The following PCDHA2 variants were observed in gnomAD, a reference collection of about 807,000 sequenced individuals.
The protein encoded by PCDHA2 is protocadherin alpha 2, also known as protocadherin alpha-2.
A neutral mutation model predicts 66.0 loss-of-function variants in PCDHA2; 58 were observed. The observed-to-expected ratio is 0.88, with a 90% CI of 0.71 to 1.09. PCDHA2 has a LOEUF of 1.09. Among genes scored for constraint, PCDHA2 ranks in the 50% least tolerant of loss-of-function variants. The pLI is 0.00. For synonymous variants in PCDHA2, 634 were observed against 554.0 expected, an observed-to-expected ratio of 1.14 and a Z score of -2.03; for missense variants, 1,267 against 1,242.3, an observed-to-expected ratio of 1.02 and a Z score of -0.30.
chr5:140,808,618 G>C, intron 1 of PCDHA2: 2 of 1,613,776 alleles, frequency 1.2e-6, no homozygotes, highest in Non-Finnish European at 1.7e-6. Flanking sequence ...TCTTCACTGT[G>C]TCTGCGTGGG....
intron 1 of PCDHA2, among the ~76,000 whole-genome samples, chr5:140,846,195 A>G (rs2150385667): frequency 6.7e-6 from 1 of 149,594 alleles, no homozygotes; most frequent in Admixed American, 6.7e-5. Context: ...AGTTCTTTGT[A>G]TGTATGAGAT....
At chr5:140,873,590 A>C (rs1188968124) in intron 1 of PCDHA2, among the ~76,000 whole-genome samples, 2 of 152,202 alleles carry the variant, frequency 1.3e-5, no homozygotes, top group Non-Finnish European at 2.9e-5. Flanking sequence ...ATTAAGCTAA[A>C]CTTAGATGTT....
At chr5:140,984,824 C>A (rs920985683) in intron 3 of PCDHA2, among the ~76,000 whole-genome samples, 1 of 152,098 alleles carries the variant, frequency 6.6e-6, no homozygotes, top group Non-Finnish European at 1.5e-5. Context: ...TCTTAATTAC[C>A]CTTTCTGTAA....
In PCDHA2 at chr5:140,849,965, G is replaced by A. The variant is rs782084624; in HGVS notation, c.2388+52613G>A. Reference sequence around the variant, plus strand: ...CTGACGCGCAGGAGAACGCCCTGGTGTCCTACTCGCTGGTGGAGCGGCGGT... The same window carrying A: ...CTGACGCGCAGGAGAACGCCCTGGTATCCTACTCGCTGGTGGAGCGGCGGT... On this transcript the variant is annotated intron_variant, in intron 1 of 3. Coordinates refer to ENST00000526136, the MANE Select transcript of PCDHA2 (RefSeq NM_018905.3). The A allele has an allele frequency of 1.0e-5, 16 of 1,597,766 alleles. 2 individuals are homozygous for A. Among genetic ancestry groups the A allele is most frequent in the Non-Finnish European group, 1.3e-5 (15 of 1,167,924 alleles).
intron 1 of PCDHA2, chr5:140,815,642 T>A (rs1349424148): frequency 6.6e-6 from 1 of 152,128 alleles, no homozygotes; most frequent in Non-Finnish European, 1.5e-5. Context: ...AGTATTCTGT[T>A]TTTATCTATA....
intron 1 of PCDHA2, chr5:140,968,434 C>T: frequency 6.8e-6 from 11 of 1,613,948 alleles, no homozygotes; most frequent in Non-Finnish European, 8.5e-6. Flanking sequence ...ACAAGGGGAG[C>T]CCACCACTGA....
chr5:140,967,986 C>A, intron 1 of PCDHA2: 1 of 1,614,226 alleles, frequency 6.2e-7, no homozygotes, highest in Non-Finnish European at 8.5e-7. Flanking sequence ...CTGGAGGCCA[C>A]ACTGCCTTTC....
At chr5:140,824,227 T>A in intron 1 of PCDHA2, 5 of 1,544,522 alleles carry the variant, frequency 3.2e-6, no homozygotes, top group Non-Finnish European at 4.5e-6. Context: ...TATGTCTTAG[T>A]ACACAAATAT....
At chr5:140,943,139 T>A (rs2093424349) in intron 1 of PCDHA2, among the ~76,000 whole-genome samples, 2 of 151,168 alleles carry the variant, frequency 1.3e-5, no homozygotes, top group Admixed American at 6.6e-5. Context: ...GTGCCTGTAG[T>A]CCCAGCTACT....
chr5:140,858,362 C>A, intron 1 of PCDHA2: 1 of 1,591,614 alleles, frequency 6.3e-7, no homozygotes, highest in Non-Finnish European at 8.6e-7. Flanking sequence ...GGCCTTCAGC[C>A]CCAGCCTTCC....
intron 1 of PCDHA2, among the ~76,000 whole-genome samples, chr5:140,974,767 T>C (rs559758887): frequency 1.2e-4 from 18 of 152,098 alleles, no homozygotes; most frequent in Non-Finnish European, 2.4e-4. Flanking sequence ...GGATTACAGG[T>C]ATGAGCCACT....
chr5:140,855,925 C>T, intron 1 of PCDHA2: 2 of 1,240,614 alleles, frequency 1.6e-6, no homozygotes, highest in Admixed American at 2.5e-5. Flanking sequence ...TAGGAAGTAG[C>T]GTCATTCTGA....
chr5:140,843,498 T>C (rs1554140141), intron 1 of PCDHA2: 1 of 1,595,918 alleles, frequency 6.3e-7, no homozygotes, highest in Admixed American at 1.7e-5. Flanking sequence ...TGCTCAGCAC[T>C]GCCCACTGAG....
At chr5:140,979,900 T>A (rs1554241214) in intron 2 of PCDHA2, among the ~76,000 whole-genome samples, 4 of 152,214 alleles carry the variant, frequency 2.6e-5, no homozygotes, top group Admixed American at 6.5e-5. Context: ...CAAACTTAGA[T>A]CAGTTCGTAA....
At chr5:140,893,498 A>G (rs1471386820) in intron 1 of PCDHA2, among the ~76,000 whole-genome samples, 2 of 151,410 alleles carry the variant, frequency 1.3e-5, no homozygotes, top group Admixed American at 6.6e-5. Flanking sequence ...CACAAAAAAG[A>G]AAAAAAAAGC....
intron 3 of PCDHA2, among the ~76,000 whole-genome samples, chr5:140,998,871 A>C (rs1554256499): frequency 6.6e-6 from 1 of 152,200 alleles, no homozygotes; most frequent in African/African-American, 2.4e-5. Flanking sequence ...CTTGTAAATA[A>C]TAAGTTTAGT....
chr5:140,916,143 T>C (rs1237563249), intron 1 of PCDHA2, among the ~76,000 whole-genome samples: 3 of 152,012 alleles, frequency 2.0e-5, no homozygotes, highest in African/African-American at 7.2e-5. Flanking sequence ...GCTGTTCAGT[T>C]GTGTTGTGGT....
At chr5:140,822,900 CCGTGA>C in intron 1 of PCDHA2, 1 of 1,614,266 alleles carries the variant, frequency 6.2e-7, no homozygotes. Flanking sequence ...GCGTGTCTGA[CCGTGA>C]CTCAGGTGCC....
At chr5:140,866,827 AT>A (rs1488157876) in intron 1 of PCDHA2, 1 of 152,132 alleles carries the variant, frequency 6.6e-6, no homozygotes, top group Non-Finnish European at 1.5e-5. Context: ...TCTTCAATTG[AT>A]TTTACAAAAT....
Sources: allele counts gnomAD v4.1 joint callset (sites outside exome capture counted in the v4.1 genomes callset), GRCh38; gene constraint gnomAD v4.1.1; transcripts MANE v1.5; gene names NCBI Gene and HGNC (gene_info 2026-07-23, HGNC 2026-07-21).